Variants in PDE8B observed in about 807,000 individuals in gnomAD.
PDE8B encodes phosphodiesterase 8B.
In PDE8B, 26 loss-of-function variants were observed where a neutral mutation model predicts 101.3. That is an observed-to-expected ratio of 0.26 (90% CI 0.19 to 0.36). The LOEUF is 0.36. PDE8B is among the 10% of genes least tolerant of loss of function. PDE8B has a pLI of 1.00. For synonymous variants in PDE8B, 424 were observed against 429.3 expected, an observed-to-expected ratio of 0.99 and a Z score of 0.15; for missense variants, 810 against 1,163.1, an observed-to-expected ratio of 0.70 and a Z score of 4.42.
chr5:77,233,654 C>CTGTGTGTGTGTGTGTGTG (rs72346580), intron 1 of PDE8B, among the ~76,000 whole-genome samples: 10 of 138,338 alleles, frequency 7.2e-5, no homozygotes, highest in South Asian at 2.5e-4. Flanking sequence ...CCCTGAAGCT[C>CTGTGTGTGTGTGTGTGTG]TGTGTGTGTG....
At chr5:77,086,991 G>A in the PDE8B span, 7 of 152,230 alleles carry the variant, frequency 4.6e-5, no homozygotes, top group Admixed American at 3.9e-4. Flanking sequence ...GCCCAGCGAA[G>A]GGCACGCCCC....
chr5:77,396,113 T>G (rs531906019), intron 10 of PDE8B, among the ~76,000 whole-genome samples: 253 of 152,372 alleles, frequency 1.7e-3, no homozygotes, highest in African/African-American at 5.6e-3. Flanking sequence ...TTAGCTACTT[T>G]CACAATTCAA....
At chr5:77,408,768 A>G in intron 13 of PDE8B, 125 bp from the exon 14 acceptor site, 1 of 804,366 alleles carries the variant, frequency 1.2e-6, no homozygotes, top group South Asian at 1.4e-5. Flanking sequence ...GGTGCCGTGA[A>G]AGCACTGGTC....
chr5:77,104,885 A>G, the PDE8B span: 3 of 152,316 alleles, frequency 2.0e-5, no homozygotes, highest in African/African-American at 7.2e-5. Context: ...GTATACAACC[A>G]TGTAAACACC....
At chr5:77,276,457 T>A (rs951610562) in intron 1 of PDE8B, among the ~76,000 whole-genome samples, 1 of 152,246 alleles carries the variant, frequency 6.6e-6, no homozygotes, top group Non-Finnish European at 1.5e-5. Context: ...AATCTGTCAT[T>A]CTCATGTTTG....
chr5:77,379,836 A>G (rs1396902126), intron 10 of PDE8B, among the ~76,000 whole-genome samples: 4 of 152,202 alleles, frequency 2.6e-5, no homozygotes, highest in Non-Finnish European at 5.9e-5. Context: ...GACGTTCTGT[A>G]CTATACCACT....
At chr5:77,318,701 T>C (rs1046524932) in intron 2 of PDE8B, among the ~76,000 whole-genome samples, 5 of 152,212 alleles carry the variant, frequency 3.3e-5, no homozygotes, top group African/African-American at 9.6e-5. Flanking sequence ...GACCATTTTT[T>C]TTCAGCTCAA....
At chr5:77,290,824 T>C (rs1767142844) in intron 1 of PDE8B, 1 of 1,506,704 alleles carries the variant, frequency 6.6e-7, no homozygotes, top group African/African-American at 1.4e-5. Context: ...TGTGGAAATG[T>C]CTGCCTCTGG....
chr5:77,413,331 C>CTAGT lies in PDE8B; in HGVS notation c.1911+25_1911+28dup, dbSNP rs778233434. On this transcript the variant is annotated intron_variant, in intron 17 of 21. Coordinates refer to ENST00000264917, the MANE Select transcript of PDE8B (RefSeq NM_003719.5). ...AAAGGTAGGATTTTGATATCATGACCTAGTTACCTGCCTGGATTGGAGATC... is the reference window on the plus strand; with the variant it reads ...AAAGGTAGGATTTTGATATCATGACCTAGTTAGTTACCTGCCTGGATTGGAGATC... 38 of 1,589,168 alleles carry CTAGT rather than the reference C, an allele frequency of 2.4e-5. No homozygotes were observed. The South Asian group carries it at 4.2e-4, about 18-fold the overall frequency.
intron 1 of PDE8B, among the ~76,000 whole-genome samples, chr5:77,305,674 C>G (rs1771035685): frequency 6.6e-6 from 1 of 152,150 alleles, no homozygotes; most frequent in Non-Finnish European, 1.5e-5. Flanking sequence ...CAGACACAAC[C>G]TTTGTTTACC....
chr5:77,224,115 G>T (rs1751816843), intron 1 of PDE8B, among the ~76,000 whole-genome samples: 1 of 152,066 alleles, frequency 6.6e-6, no homozygotes, highest in East Asian at 1.9e-4. Flanking sequence ...CTGTACTGTG[G>T]TCTTGTATGT....
chr5:77,411,837 G>A (rs1794629133), intron 15 of PDE8B, 116 bp downstream of exon 15: 2 of 845,168 alleles, frequency 2.4e-6, no homozygotes, highest in Middle Eastern at 2.2e-4. Flanking sequence ...TTGAGTTTAA[G>A]CATCAATATG....
intron 8 of PDE8B, 112 bp from the exon 9 acceptor site, chr5:77,350,953 G>A (rs780608447): frequency 3.3e-5 from 26 of 796,232 alleles, no homozygotes; most frequent in Middle Eastern, 2.6e-4. Flanking sequence ...CAGGCATTGG[G>A]AAATGTAACG....
intron 1 of PDE8B, among the ~76,000 whole-genome samples, chr5:77,251,485 G>T (rs746788487): frequency 5.3e-5 from 8 of 152,226 alleles, no homozygotes; most frequent in Non-Finnish European, 1.0e-4. Context: ...TCTTTCCCAT[G>T]TGAGAAAGAC....
At chr5:77,418,092 T>C (rs1173090835) in intron 17 of PDE8B, 137 bp from the exon 18 acceptor site, 1 of 707,622 alleles carries the variant, frequency 1.4e-6, no homozygotes, top group African/African-American at 1.7e-5. Context: ...TCTCCACATC[T>C]AGGTCAGAAG....
chr5:77,324,496 G>A (rs1374912806), intron 2 of PDE8B, among the ~76,000 whole-genome samples: 1 of 152,170 alleles, frequency 6.6e-6, no homozygotes, highest in Non-Finnish European at 1.5e-5. Flanking sequence ...CAGAGAATCT[G>A]TGTTCCTGGA....
chr5:77,163,210 C>T, the PDE8B span, among the ~76,000 whole-genome samples: 2 of 152,146 alleles, frequency 1.3e-5, no homozygotes, highest in Non-Finnish European at 2.9e-5. Context: ...TTGGGGAACA[C>T]AGCAATACAA....
chr5:77,109,929 T>G, the PDE8B span, among the ~76,000 whole-genome samples: 1 of 77,382 alleles, frequency 1.3e-5, no homozygotes, highest in African/African-American at 5.7e-5. Context: ...GTATTTCAGT[T>G]TTTTTTTTTT....
the PDE8B span, among the ~76,000 whole-genome samples, chr5:77,095,219 G>A: frequency 6.5e-4 from 99 of 152,208 alleles, no homozygotes; most frequent in African/African-American, 2.3e-3. Context: ...CTCATAATAA[G>A]CAGATGTCAT....
Sources: gnomAD v4.1 joint callset for allele counts (sites outside exome capture counted in the v4.1 genomes callset) on GRCh38, gnomAD v4.1.1 for gene constraint, MANE v1.5 for transcripts, NCBI Gene and HGNC (gene_info 2026-07-23, HGNC 2026-07-21) for gene names.